The following MFSD11 variants were observed in gnomAD, a reference collection of about 807,000 sequenced individuals.
MFSD11 encodes the protein UNC93-like protein MFSD11.
In MFSD11, 36 loss-of-function variants were observed where a neutral mutation model predicts 53.5. That is an observed-to-expected ratio of 0.67 (90% CI 0.52 to 0.89). The LOEUF is 0.89. Among genes scored for constraint, MFSD11 ranks in the 40% least tolerant of loss-of-function variants. MFSD11 has a pLI of 0.00. For synonymous variants in MFSD11, 186 were observed against 184.9 expected (o/e 1.01, Z -0.05); for missense variants, 530 against 543.9 (o/e 0.97, Z 0.25).
chr17:76,764,427 C>G (rs569476985), intron 8 of MFSD11, among the ~76,000 whole-genome samples: 1 of 152,118 alleles, frequency 6.6e-6, no homozygotes, highest in South Asian at 2.1e-4. Flanking sequence ...CCTCCAGCCC[C>G]GGCAACCACT....
chr17:76,761,799 T>C (rs574339537), intron 8 of MFSD11, among the ~76,000 whole-genome samples: 7 of 151,684 alleles, frequency 4.6e-5, no homozygotes, highest in Non-Finnish European at 5.9e-5. Context: ...CGGGTGCCTG[T>C]AATCCCAGCT....
chr17:76,778,420 G>A lies in MFSD11; in HGVS notation c.*68G>A. 1 of 1,529,510 alleles carries A rather than the reference G, an allele frequency of 6.5e-7. No individual in the cohort carries two copies. Among genetic ancestry groups the A allele is most frequent in the South Asian group, 1.2e-5 (1 of 86,944 alleles). The allele number at this position is 1,529,510 out of a possible 1,614,324, so 94.7% of individuals were successfully genotyped here. A position where few individuals can be genotyped will look rare whatever the true frequency, so the allele number is the denominator to read the frequency against. ...CTGGACACAGAGCTTGGTGGAAGAA[G>A]TCGCCTTTGATCTTCACTATATATT... On this transcript the variant is annotated 3_prime_UTR_variant, in exon 13 of 13. Transcript: ENST00000685175.
chr17:76,739,947 A>G (rs1240780153), intron 2 of MFSD11, among the ~76,000 whole-genome samples: 2 of 151,996 alleles, frequency 1.3e-5, no homozygotes, highest in African/African-American at 2.4e-5. Flanking sequence ...TGGGCGGATC[A>G]CGAGGTCAGG....
At chr17:76,782,824 C>G (rs2082202782), downstream of MFSD11, among the ~76,000 whole-genome samples, 1 of 152,120 alleles carries the variant, frequency 6.6e-6, no homozygotes, top group East Asian at 1.9e-4. Flanking sequence ...TTGGTTGACT[C>G]TTTAGATGAC....
chr17:76,743,349 A>C lies in MFSD11; in HGVS notation c.438-49A>C, dbSNP rs918567800. 8 of 1,194,432 alleles carry C rather than the reference A, an allele frequency of 6.7e-6. No homozygotes were observed. In the East Asian group the frequency reaches 1.2e-4, roughly 18 times the overall value. 74.0% of individuals were successfully genotyped at this position (1,194,432 alleles called of 1,614,324 possible). A position where few individuals can be genotyped will look rare whatever the true frequency, so the allele number is the denominator to read the frequency against. Reference sequence around the variant, plus strand: ...GAATAATTATTTTTAAAAAACTATAAATATTAAAATAATTACCCAACATCC... The same window carrying C: ...GAATAATTATTTTTAAAAAACTATACATATTAAAATAATTACCCAACATCC... On this transcript the variant is annotated intron_variant, in intron 5 of 12. Transcript: ENST00000685175.
At chr17:76,766,959 A>G (rs2080903133) in intron 8 of MFSD11, 1 of 157,494 alleles carries the variant, frequency 6.3e-6, no homozygotes. Flanking sequence ...TGTATGGCCA[A>G]AAAGCTGCCC....
At chr17:76,736,878 G>A (rs752405402), upstream of MFSD11, 1 of 1,611,506 alleles carries the variant, frequency 6.2e-7, no homozygotes, top group Non-Finnish European at 8.5e-7. Flanking sequence ...GAGTCCGGGG[G>A]GCGGCCGTAG....
downstream of MFSD11, among the ~76,000 whole-genome samples, chr17:76,785,376 AC>A (rs1486120900): frequency 6.6e-6 from 1 of 152,100 alleles, no homozygotes; most frequent in African/African-American, 2.4e-5. Flanking sequence ...TTGCTCTGTC[AC>A]CCAGGCTGGA....
chr17:76,737,295 G>A (rs575429768), upstream of MFSD11: 48 of 1,254,886 alleles, frequency 3.8e-5, 1 homozygote, highest in Middle Eastern at 2.7e-4. Flanking sequence ...GAACAGCACG[G>A]ACGGGCTCCG....
chr17:76,751,045 C>A (rs2079012034), intron 7 of MFSD11, among the ~76,000 whole-genome samples: 4 of 151,718 alleles, frequency 2.6e-5, no homozygotes, highest in Admixed American at 2.6e-4. Flanking sequence ...AAGTGATCCA[C>A]CCGCCTTGGC....
chr17:76,774,172 C>T (rs991784230), intron 10 of MFSD11, among the ~76,000 whole-genome samples: 2 of 152,176 alleles, frequency 1.3e-5, no homozygotes, highest in South Asian at 2.1e-4. Context: ...GTGATCTGCC[C>T]GCCTTGGCCT....
chr17:76,736,721 G>A, upstream of MFSD11: 4 of 1,354,570 alleles, frequency 3.0e-6, no homozygotes, highest in South Asian at 5.2e-5. Context: ...CACGTGCTTC[G>A]CCGCGGACCT....
At chr17:76,766,155 G>A (rs1029083678) in intron 8 of MFSD11, among the ~76,000 whole-genome samples, 17 of 151,496 alleles carry the variant, frequency 1.1e-4, no homozygotes, top group Middle Eastern at 3.4e-3. Flanking sequence ...GATGGCTCAC[G>A]TCTGTGATCC....
intron 5 of MFSD11, among the ~76,000 whole-genome samples, chr17:76,742,783 C>T (rs1272300105): frequency 2.0e-5 from 3 of 152,144 alleles, no homozygotes; most frequent in South Asian, 4.1e-4. Context: ...GGATTACAGG[C>T]GTGAACCACC....
intron 8 of MFSD11, 28 bp downstream of exon 8, chr17:76,754,115 A>G: frequency 6.4e-7 from 1 of 1,556,420 alleles, no homozygotes. Context: ...CTGAAATGCA[A>G]GAACTGTTCA....
In MFSD11 at chr17:76,778,336, A is replaced by C; in HGVS notation, c.1334A>C (p.Asp445Ala). The C allele has an allele frequency of 1.2e-6, 2 of 1,614,178 alleles. No homozygotes were observed. Among genetic ancestry groups the C allele is most frequent in the Non-Finnish European group, 1.7e-6 (2 of 1,180,036 alleles). The change falls in exon 13 of 13, where the codon GAC becomes GCC. Residue 445 changes from aspartate to alanine, a missense_variant. Physicochemically the swap from Asp to Ala is moderately radical, Grantham distance 126. Transcript: ENST00000685175. ...EAAAFVARGS[D>A]YRSI The stretch of plus-strand genomic sequence containing the variant: ...GCCGCCTTTGTAGCCCGCGGCTCTG[A>C]CTACCGAAGTATCTGATCTGGTGTC...
intron 10 of MFSD11, among the ~76,000 whole-genome samples, chr17:76,771,836 A>G (rs1237583662): frequency 6.6e-6 from 1 of 152,162 alleles, no homozygotes; most frequent in African/African-American, 2.4e-5. Context: ...GGTTTGAGGA[A>G]ATCTGCTGAA....
At chr17:76,793,328 C>T in the MFSD11 span, among the ~76,000 whole-genome samples, 1 of 151,438 alleles carries the variant, frequency 6.6e-6, no homozygotes, top group African/African-American at 2.5e-5. Context: ...GCCGCATTCT[C>T]TTTCAGGGCT....
downstream of MFSD11, among the ~76,000 whole-genome samples, chr17:76,780,805 C>T (rs924783857): frequency 1.3e-5 from 2 of 152,268 alleles, no homozygotes; most frequent in African/African-American, 4.8e-5. Context: ...TGAGCCACTG[C>T]GCCCAGCGGC....
Sources: gnomAD v4.1 joint callset for allele counts (sites outside exome capture counted in the v4.1 genomes callset) on GRCh38, gnomAD v4.1.1 for gene constraint, MANE v1.5 for transcripts, NCBI Gene and HGNC (gene_info 2026-07-23, HGNC 2026-07-21) for gene names.